The following RBBP4 variants were observed in gnomAD, a reference collection of about 807,000 sequenced individuals.
The protein encoded by RBBP4 is histone-binding protein RBBP4.
RBBP4 carries 3 observed loss-of-function variants against 57.2 expected under a neutral mutation model. The observed-to-expected ratio is 0.05, with a 90% CI of 0.02 to 0.14. RBBP4 has a LOEUF of 0.14. Among genes scored for constraint, RBBP4 ranks in the 10% least tolerant of loss-of-function variants. The pLI is 1.00. For synonymous variants in RBBP4, 151 were observed against 171.5 expected (o/e 0.88, Z 0.93); for missense variants, 107 against 520.6 (o/e 0.21, Z 7.73).
chr1:32,651,869 G>A (rs778421424), intron 1 of RBBP4, 45 bp from the exon 2 acceptor site: 1 of 1,592,734 alleles, frequency 6.3e-7, no homozygotes, highest in Non-Finnish European at 8.6e-7. Flanking sequence ...GGATTACTCG[G>A]TTTCCGTTTG....
chr1:32,657,322 C>G, intron 2 of RBBP4, 105 bp from the exon 3 acceptor site: 7 of 1,166,356 alleles, frequency 6.0e-6, no homozygotes, highest in Non-Finnish European at 8.5e-6. Flanking sequence ...TTTCCCCTCT[C>G]TTAAAACCTG....
intron 3 of RBBP4, among the ~76,000 whole-genome samples, chr1:32,664,527 A>G (rs1244235042): frequency 5.3e-5 from 8 of 151,996 alleles, no homozygotes. Context: ...ATCTTGGTTC[A>G]GTGCAACCTC....
intron 3 of RBBP4, among the ~76,000 whole-genome samples, chr1:32,666,864 C>T (rs183345591): frequency 5.3e-5 from 8 of 152,328 alleles, no homozygotes; most frequent in African/African-American, 1.2e-4. Flanking sequence ...TTTAATATTA[C>T]TCTTTGTTGT....
At chr1:32,678,711 T>A (rs1185462319) in intron 11 of RBBP4, among the ~76,000 whole-genome samples, 1 of 149,522 alleles carries the variant, frequency 6.7e-6, no homozygotes, top group Non-Finnish European at 1.5e-5. Context: ...TGCCTCAGCC[T>A]CCCAAGTAGC....
chr1:32,653,301 T>G (rs1347109740), intron 2 of RBBP4, among the ~76,000 whole-genome samples: 1 of 152,204 alleles, frequency 6.6e-6, no homozygotes, highest in African/African-American at 2.4e-5. Context: ...AACATAGTTT[T>G]AACAAGACCA....
chr1:32,666,065 G>A (rs185022675), intron 3 of RBBP4, among the ~76,000 whole-genome samples: 4 of 152,270 alleles, frequency 2.6e-5, no homozygotes, highest in East Asian at 3.9e-4. Flanking sequence ...TCTAGTTGTT[G>A]CCTACCTGGT....
At chr1:32,655,702 C>T (rs1421024918) in intron 2 of RBBP4, among the ~76,000 whole-genome samples, 2 of 152,176 alleles carry the variant, frequency 1.3e-5, no homozygotes, top group Admixed American at 1.3e-4. Context: ...TTATTCCTTA[C>T]GTGAAGGCCT....
At chr1:32,670,568 T>TG (rs1648830010) in intron 8 of RBBP4, among the ~76,000 whole-genome samples, 1 of 9,550 alleles carries the variant, frequency 1.0e-4, no homozygotes, top group South Asian at 0.025. Flanking sequence ...AATTTTTTTA[T>TG]TTTTTTTTAA....
chr1:32,658,550 C>CTT (rs11419057), intron 3 of RBBP4, among the ~76,000 whole-genome samples: 10,614 of 139,506 alleles, frequency 0.076, 498 homozygotes, highest in Admixed American at 0.13. Flanking sequence ...AAACGCTTTC[C>CTT]TTTTTTTTTT....
chr1:32,670,567 A>AT (rs34886799), intron 8 of RBBP4, among the ~76,000 whole-genome samples: 124,834 of 151,198 alleles, frequency 0.83, 53,966 homozygotes, highest in Non-Finnish European at 0.96. Flanking sequence ...CAATTTTTTT[A>AT]TTTTTTTTTA....
rs1557868478 is a variant in RBBP4, at chr1:32,684,311, G to A, written c.*4606G>A. Reference sequence around the variant, plus strand: ...TGAGCCTTAGCTGTTCCATCTCTTTGTTCTTCTGTTGCTGGAGTTGCACCC... The same window carrying A: ...TGAGCCTTAGCTGTTCCATCTCTTTATTCTTCTGTTGCTGGAGTTGCACCC... On this transcript the variant is annotated 3_prime_UTR_variant, in exon 12 of 12. Coordinates refer to ENST00000373493, the MANE Select transcript of RBBP4 (RefSeq NM_005610.3). 2.5e-6 allele frequency: 4 copies of A among 1,614,124 alleles called. No individual in the cohort carries two copies. The highest frequency in any genetic ancestry group is 3.4e-6 in the Non-Finnish European group (4 of 1,180,024).
At chr1:32,661,870 CTTTTTTTTTTTTTTTTTTTTTT>C (rs71006354) in intron 3 of RBBP4, among the ~76,000 whole-genome samples, 1 of 49,288 alleles carries the variant, frequency 2.0e-5, no homozygotes, top group Non-Finnish European at 3.6e-5. Context: ...CCTTTGCCCA[CTTTTTTTTTTTTTTTTTTTTTT>C]TTTTTTTTTT....
intron 8 of RBBP4, among the ~76,000 whole-genome samples, chr1:32,670,330 T>C (rs1347879384): frequency 6.6e-6 from 1 of 152,228 alleles, no homozygotes; most frequent in Non-Finnish European, 1.5e-5. Flanking sequence ...AACCCAAGCC[T>C]CAACCTCTGG....
chr1:32,655,667 C>G (rs1306112907), intron 2 of RBBP4, among the ~76,000 whole-genome samples: 1 of 152,148 alleles, frequency 6.6e-6, no homozygotes, highest in African/African-American at 2.4e-5. Flanking sequence ...ACTGGCTTCC[C>G]CAGTTTGACA....
At chr1:32,673,007 TC>T in intron 11 of RBBP4, 106 bp downstream of exon 11, 1 of 880,282 alleles carries the variant, frequency 1.1e-6, no homozygotes, top group South Asian at 1.6e-5. Flanking sequence ...TTCATTTTAC[TC>T]CCAGGTGTGA....
chr1:32,651,690 C>A (rs1308941789), intron 1 of RBBP4: 1 of 757,670 alleles, frequency 1.3e-6, no homozygotes, highest in Non-Finnish European at 2.0e-6. Context: ...CTCCGAAGGC[C>A]TGGCTGGCCC....
chr1:32,657,729 G>A, intron 3 of RBBP4, 157 bp downstream of exon 3: 1 of 812,358 alleles, frequency 1.2e-6, no homozygotes, highest in Non-Finnish European at 1.8e-6. Context: ...AGAGTTTTAG[G>A]TATCAGAAGA....
chr1:32,652,102 G>A, intron 2 of RBBP4, 41 bp downstream of exon 2: 1 of 1,573,414 alleles, frequency 6.4e-7, no homozygotes, highest in Non-Finnish European at 8.7e-7. Context: ...TGTATTTTCA[G>A]TGTAGATTTC....
In RBBP4 at chr1:32,679,761, A is replaced by C. The variant is rs1649298026; in HGVS notation, c.*56A>C. The C allele has an allele frequency of 6.2e-7, 1 of 1,607,576 alleles. No homozygotes were observed. Among genetic ancestry groups the C allele is most frequent in the African/African-American group, 1.3e-5 (1 of 74,618 alleles). On this transcript the variant is annotated 3_prime_UTR_variant, in exon 12 of 12. Coordinates refer to ENST00000373493, the MANE Select transcript of RBBP4 (RefSeq NM_005610.3). ...CCCCTTTTTTCTTCTCAACCCTGAGAGTGATTTAACACTGGTTTTGAGACA... is the reference window on the plus strand; with the variant it reads ...CCCCTTTTTTCTTCTCAACCCTGAGCGTGATTTAACACTGGTTTTGAGACA...
Sources: allele counts gnomAD v4.1 joint callset (sites outside exome capture counted in the v4.1 genomes callset), GRCh38; gene constraint gnomAD v4.1.1; transcripts MANE v1.5; gene names NCBI Gene and HGNC (gene_info 2026-07-23, HGNC 2026-07-21).